The following CYTH3 variants were observed in gnomAD, a reference collection of about 807,000 sequenced individuals.
CYTH3 encodes the protein cytohesin 3, also known as cytohesin-3.
CYTH3 carries 23 observed loss-of-function variants against 55.1 expected under a neutral mutation model. The ratio of observed to expected loss-of-function variants is 0.42; its 90% confidence interval spans 0.30 to 0.59. The LOEUF (loss-of-function observed/expected upper bound fraction) is 0.59, where lower values mean the gene tolerates loss of function less well. Ranked by LOEUF, CYTH3 falls within the 20% of genes least tolerant of loss-of-function variation. CYTH3 has a pLI of 0.20. For synonymous variants in CYTH3, 249 were observed against 194.9 expected (o/e 1.28, Z -2.31); for missense variants, 413 against 524.8 (o/e 0.79, Z 2.08).
chr7:6,179,151 C>T (rs1015030918), intron 4 of CYTH3, among the ~76,000 whole-genome samples: 1 of 152,078 alleles, frequency 6.6e-6, no homozygotes, highest in Non-Finnish European at 1.5e-5. Flanking sequence ...GTAAGAGAAC[C>T]GATCAGTACA....
intron 9 of CYTH3, among the ~76,000 whole-genome samples, chr7:6,166,301 C>G (rs1783007574): frequency 6.6e-6 from 1 of 152,262 alleles, no homozygotes; most frequent in African/African-American, 2.4e-5. Flanking sequence ...CACGTACCCC[C>G]ATCTGTACCT....
chr7:6,263,590 G>A (rs1780410687), intron 1 of CYTH3, among the ~76,000 whole-genome samples: 1 of 152,076 alleles, frequency 6.6e-6, no homozygotes, highest in Admixed American at 6.6e-5. Context: ...GAGGTCAGGA[G>A]TTCAAGACCA....
At chr7:6,184,064 T>C (rs1207764924) in intron 4 of CYTH3, among the ~76,000 whole-genome samples, 4 of 134,222 alleles carry the variant, frequency 3.0e-5, no homozygotes, top group Non-Finnish European at 6.4e-5. Context: ...TTTTTTTTTT[T>C]TTTTTTTTTT....
chr7:6,235,788 C>T (rs75802542), intron 1 of CYTH3, among the ~76,000 whole-genome samples: 8,093 of 152,220 alleles, frequency 0.053, 292 homozygotes, highest in Non-Finnish European at 0.076. Flanking sequence ...AGAAACCCCA[C>T]TCAAATGTGG....
At chr7:6,203,104 C>A (rs565759532) in intron 1 of CYTH3, among the ~76,000 whole-genome samples, 1 of 151,128 alleles carries the variant, frequency 6.6e-6, no homozygotes, top group Non-Finnish European at 1.5e-5. Context: ...TTCACAAAGT[C>A]AGAATTTATA....
intron 5 of CYTH3, 82 bp downstream of exon 5, chr7:6,177,740 GC>G: frequency 1.9e-6 from 2 of 1,067,668 alleles, no homozygotes; most frequent in Non-Finnish European, 2.9e-6. Context: ...GGCTGTGATG[GC>G]CCCGAAAGTG....
chr7:6,209,625 C>T (rs1014874825), intron 1 of CYTH3, among the ~76,000 whole-genome samples: 3 of 152,190 alleles, frequency 2.0e-5, no homozygotes, highest in Admixed American at 6.5e-5. Flanking sequence ...ATTTACCCAA[C>T]TGAGTTGGAA....
intron 1 of CYTH3, among the ~76,000 whole-genome samples, chr7:6,208,858 A>T (rs1784260326): frequency 6.6e-6 from 1 of 152,156 alleles, no homozygotes; most frequent in Non-Finnish European, 1.5e-5. Flanking sequence ...GTTTTTTATA[A>T]CATGGTCTAA....
At chr7:6,202,266 T>C (rs1046009446) in intron 1 of CYTH3, among the ~76,000 whole-genome samples, 1 of 152,150 alleles carries the variant, frequency 6.6e-6, no homozygotes, top group East Asian at 1.9e-4. Flanking sequence ...GAAGAGTCCC[T>C]GAGGTCCCAG....
intron 1 of CYTH3, among the ~76,000 whole-genome samples, chr7:6,210,911 A>G (rs1001513819): frequency 6.6e-6 from 1 of 152,250 alleles, no homozygotes; most frequent in African/African-American, 2.4e-5. Flanking sequence ...AATCTTTTGT[A>G]AAACCTGAAG....
At chr7:6,205,489 C>A (rs112083397) in intron 1 of CYTH3, among the ~76,000 whole-genome samples, 3,644 of 151,700 alleles carry the variant, frequency 0.024, 60 homozygotes, top group Middle Eastern at 0.069. Context: ...CAGGAGAACC[C>A]CTTGAACCCA....
intron 1 of CYTH3, among the ~76,000 whole-genome samples, chr7:6,219,671 G>C (rs1265655378): frequency 2.8e-5 from 4 of 144,184 alleles, no homozygotes; most frequent in African/African-American, 1.1e-4. Flanking sequence ...CTTGTCCCCT[G>C]TGAAATCCCT....
chr7:6,170,725 G>C lies in CYTH3; in HGVS notation c.712-79C>G, dbSNP rs1349893984. The C allele has an allele frequency of 5.1e-6, 8 of 1,569,132 alleles. No homozygotes were observed. Among genetic ancestry groups the C allele is most frequent in the Non-Finnish European group, 6.1e-6 (7 of 1,154,950 alleles). The stretch of plus-strand genomic sequence containing the variant: ...CCGGGCAGAAAGCTCAGCGGGACCA[G>C]GGCGGCAAGGAGGCTTGGGAGGCGT... On this transcript the variant is annotated intron_variant, in intron 8 of 12. Transcript: ENST00000350796. This position sits in a 1 kb window ranked among gnomAD's most constrained non-coding sequence, Gnocchi z 7.8.
At chr7:6,269,018 C>T (rs1162545907) in intron 1 of CYTH3, among the ~76,000 whole-genome samples, 1 of 152,134 alleles carries the variant, frequency 6.6e-6, no homozygotes. Context: ...AGACAAGGTA[C>T]CTGCCAGAGA....
intron 12 of CYTH3, 23 bp from the exon 13 acceptor site, chr7:6,165,039 C>CAG (rs774342021): frequency 3.1e-6 from 5 of 1,614,050 alleles, no homozygotes; most frequent in Non-Finnish European, 4.2e-6. Flanking sequence ...GGAAAACACA[C>CAG]AGGTTAGGTC....
At chr7:6,176,990 T>TTA (rs1783368482) in intron 5 of CYTH3, among the ~76,000 whole-genome samples, 1 of 152,278 alleles carries the variant, frequency 6.6e-6, no homozygotes, top group Non-Finnish European at 1.5e-5. Flanking sequence ...GTTTTGTCCT[T>TTA]TATGTGAAAG....
intron 1 of CYTH3, among the ~76,000 whole-genome samples, chr7:6,246,098 T>C (rs1023037385): frequency 1.3e-5 from 2 of 152,138 alleles, no homozygotes; most frequent in African/African-American, 4.8e-5. Context: ...TTTTAACTTT[T>C]TTGAGACAGT....
At chr7:6,251,092 TG>T (rs1186871525) in intron 1 of CYTH3, among the ~76,000 whole-genome samples, 2 of 152,124 alleles carry the variant, frequency 1.3e-5, no homozygotes, top group Non-Finnish European at 2.9e-5. Context: ...CTGGCCAACA[TG>T]GTAAAACCCC....
Position 6,217,837 on chromosome 7 carries a change from A to T in CYTH3, c.35-27306T>A, listed in dbSNP as rs534123077. ...CTCTAGAACTTGTGAATGTTAACTTACATGACAAAAGGAACTCTGCAAATA... is the reference window on the plus strand; with the variant it reads ...CTCTAGAACTTGTGAATGTTAACTTTCATGACAAAAGGAACTCTGCAAATA... On this transcript the variant is annotated intron_variant, in intron 1 of 12. Transcript: ENST00000350796. Among the ~76,000 whole-genome samples, 436 of 152,256 alleles carry T rather than the reference A, an allele frequency of 2.9e-3. 1 individual carries two copies. Among genetic ancestry groups the T allele is most frequent in the African/African-American group, 0.01 (420 of 41,544 alleles).
Sources: allele counts gnomAD v4.1 joint callset (sites outside exome capture counted in the v4.1 genomes callset), GRCh38; gene constraint gnomAD v4.1.1; non-coding constraint Gnocchi (gnomAD v3.1); transcripts MANE v1.5; gene names NCBI Gene and HGNC (gene_info 2026-07-23, HGNC 2026-07-21).